The following FRK variants were observed in gnomAD, a reference collection of about 807,000 sequenced individuals.
The protein encoded by FRK is tyrosine-protein kinase FRK.
A neutral mutation model predicts 56.4 loss-of-function variants in FRK; 51 were observed. The observed-to-expected ratio is 0.90, with a 90% CI of 0.72 to 1.14. The LOEUF is 1.14. FRK is among the 50% of genes most tolerant of loss of function. The pLI, the probability that FRK is intolerant of heterozygous loss-of-function variation, is 0.00. For missense variants in FRK, 570 were observed against 601.4 expected (o/e 0.95, Z 0.55); for synonymous variants, 245 against 217.9 (o/e 1.12, Z -1.10).
At position 116,004,006 on chromosome 6, in the gene FRK, G is replaced by A. The variant is rs1775162040; in HGVS notation, c.345-8C>T. ...ATTGCTCCAAAGAACCACCTAAAAA[G>A]AGAGATATGTAAATGTTAAGTAACC... On this transcript the variant is annotated splice_region_variant and splice_polypyrimidine_tract_variant and intron_variant, in intron 1 of 7. Transcript: ENST00000606080. 3 of 1,609,720 alleles carry A rather than the reference G, an allele frequency of 1.9e-6. No homozygotes were observed. Among genetic ancestry groups the A allele is most frequent in the South Asian group, 1.1e-5 (1 of 90,706 alleles).
rs749434859 is a variant in FRK, at chr6:116,039,244, G to A, written c.344+20724C>T. The A allele has an allele frequency of 4.2e-5, 63 of 1,492,204 alleles. 1 individual carries two copies. The highest frequency in any genetic ancestry group is 6.8e-5 in the East Asian group (3 of 44,190). 92.4% of individuals were successfully genotyped at this position (1,492,204 alleles called of 1,614,324 possible). A position where few individuals can be genotyped will look rare whatever the true frequency, so the allele number is the denominator to read the frequency against. On this transcript the variant is annotated intron_variant, in intron 1 of 7. Transcript: ENST00000606080. Reference sequence around the variant, plus strand: ...CTGGAGCAAGGTCGTCCTGGCCTGCGAGCCTGTGTGGGCCATTGGTACCAG... The same window carrying A: ...CTGGAGCAAGGTCGTCCTGGCCTGCAAGCCTGTGTGGGCCATTGGTACCAG...
At chr6:116,070,211 C>A in the FRK span, among the ~76,000 whole-genome samples, 40 of 151,092 alleles carry the variant, frequency 2.6e-4, no homozygotes, top group Non-Finnish European at 3.8e-4. Flanking sequence ...CAGAAATAAC[C>A]AACCCTGTAC....
At chr6:116,079,405 T>G in the FRK span, among the ~76,000 whole-genome samples, 15 of 102,620 alleles carry the variant, frequency 1.5e-4, no homozygotes, top group East Asian at 2.1e-3. Context: ...GGGTTTTTTG[T>G]TTTTTTTTTC....
chr6:115,950,448 C>A (rs900624181), intron 5 of FRK, among the ~76,000 whole-genome samples: 2 of 151,878 alleles, frequency 1.3e-5, no homozygotes, highest in Non-Finnish European at 2.9e-5. Flanking sequence ...CTAGAGAAAT[C>A]CAAACCAAAA....
chr6:116,099,338 C>T, the FRK span, among the ~76,000 whole-genome samples: 1 of 152,192 alleles, frequency 6.6e-6, no homozygotes, highest in Non-Finnish European at 1.5e-5. Flanking sequence ...GCACCTACTC[C>T]CACATGAAAC....
intron 1 of FRK, chr6:116,039,297 G>A: frequency 6.9e-7 from 1 of 1,449,220 alleles, no homozygotes; most frequent in Non-Finnish European, 9.7e-7. Context: ...AGAAGGCCCA[G>A]GAAGTACACG....
chr6:115,942,117 G>A lies in FRK; in HGVS notation c.*297C>T, dbSNP rs1031739183. On this transcript the variant is annotated 3_prime_UTR_variant, in exon 8 of 8. Transcript: ENST00000606080. Reference sequence around the variant, plus strand: ...CTATCATCTGTTGATTCTCTTGATCGACATTTCAAACAATAAATGGAAATG... The same window carrying A: ...CTATCATCTGTTGATTCTCTTGATCAACATTTCAAACAATAAATGGAAATG... 4.1e-5 allele frequency: 11 copies of A among 265,122 alleles called. No individual in the cohort carries two copies. Among genetic ancestry groups the A allele is most frequent in the East Asian group, 1.0e-4 (1 of 10,004 alleles). The allele number at this position is 265,122 out of a possible 1,614,324, so 16.4% of individuals were successfully genotyped here.
At chr6:116,015,355 C>T (rs570525035) in intron 1 of FRK, among the ~76,000 whole-genome samples, 1 of 152,264 alleles carries the variant, frequency 6.6e-6, no homozygotes, top group Admixed American at 6.5e-5. Flanking sequence ...TGTAAGTTTC[C>T]CGAGTCTTCC....
intron 2 of FRK, among the ~76,000 whole-genome samples, chr6:115,997,617 T>A (rs1432451158): frequency 6.6e-6 from 1 of 152,122 alleles, no homozygotes; most frequent in African/African-American, 2.4e-5. Context: ...CTGACATCCA[T>A]CCTAGAATCT....
At chr6:116,018,964 C>T (rs565722870) in intron 1 of FRK, among the ~76,000 whole-genome samples, 1 of 152,230 alleles carries the variant, frequency 6.6e-6, no homozygotes, top group East Asian at 1.9e-4. Flanking sequence ...GCTTGAGGAG[C>T]ATATTTCTCT....
At chr6:115,974,914 A>G (rs1246946065) in intron 2 of FRK, among the ~76,000 whole-genome samples, 2 of 152,166 alleles carry the variant, frequency 1.3e-5, no homozygotes, top group Non-Finnish European at 2.9e-5. Context: ...TTATCACAGT[A>G]GAATTATCTC....
intron 1 of FRK, among the ~76,000 whole-genome samples, chr6:116,038,430 A>C (rs1776568483): frequency 6.6e-6 from 1 of 152,200 alleles, no homozygotes; most frequent in Non-Finnish European, 1.5e-5. Context: ...AATTCAAAAA[A>C]AGAGAGTGTG....
intron 2 of FRK, among the ~76,000 whole-genome samples, chr6:115,984,080 G>C (rs1218272642): frequency 6.6e-6 from 1 of 152,034 alleles, no homozygotes; most frequent in African/African-American, 2.4e-5. Context: ...CCCAGCTCAG[G>C]CATCTCCTCC....
At chr6:115,981,772 A>G (rs1774209871) in intron 2 of FRK, among the ~76,000 whole-genome samples, 1 of 152,096 alleles carries the variant, frequency 6.6e-6, no homozygotes, top group Non-Finnish European at 1.5e-5. Flanking sequence ...TTTTTGTATT[A>G]GCTAATTTAT....
At chr6:116,000,851 AATG>A (rs1196572916) in intron 2 of FRK, among the ~76,000 whole-genome samples, 2 of 152,262 alleles carry the variant, frequency 1.3e-5, no homozygotes, top group Non-Finnish European at 2.9e-5. Context: ...AAGTCAAATA[AATG>A]ATGATATACC....
intron 1 of FRK, chr6:116,039,201 C>T (rs962921790): frequency 1.3e-5 from 19 of 1,408,664 alleles, no homozygotes; most frequent in African/African-American, 2.8e-5. Context: ...AAGAGGTCAT[C>T]GCAGATAACG....
intron 2 of FRK, among the ~76,000 whole-genome samples, chr6:115,988,527 A>AAAACTAAAAACAAACAAAGT (rs1418451628): frequency 2.6e-5 from 4 of 152,038 alleles, no homozygotes; most frequent in African/African-American, 9.7e-5. Context: ...ATGGGTCATG[A>AAAACTAAAAACAAACAAAGT]AAACTAAAAA....
At chr6:116,059,063 T>C (rs919523566) in intron 1 of FRK, among the ~76,000 whole-genome samples, 7 of 152,114 alleles carry the variant, frequency 4.6e-5, no homozygotes, top group African/African-American at 1.7e-4. Context: ...GTCAAGACTA[T>C]GTTTTATCCA....
At chr6:115,945,686 A>T (rs1772413429) in intron 5 of FRK, among the ~76,000 whole-genome samples, 1 of 152,158 alleles carries the variant, frequency 6.6e-6, no homozygotes, top group Admixed American at 6.6e-5. Flanking sequence ...AACACAAATG[A>T]AAGGTCTATC....
Sources: gnomAD v4.1 joint callset for allele counts (sites outside exome capture counted in the v4.1 genomes callset) on GRCh38, gnomAD v4.1.1 for gene constraint, MANE v1.5 for transcripts, NCBI Gene and HGNC (gene_info 2026-07-23, HGNC 2026-07-21) for gene names.